Variants in MLPH observed in about 807,000 individuals in gnomAD.
MLPH encodes melanophilin, also known as exophilin-3.
Under a neutral mutation model 72.1 loss-of-function variants are expected in MLPH, and 51 were observed. That is an observed-to-expected ratio of 0.71 (90% confidence interval 0.56 to 0.89). The LOEUF (loss-of-function observed/expected upper bound fraction) is 0.89, where lower values mean the gene tolerates loss of function less well. Ranked by LOEUF, MLPH falls within the 40% of genes least tolerant of loss-of-function variation. MLPH has a pLI of 0.00. For missense variants in MLPH, 743 were observed against 759.9 expected, an observed-to-expected ratio of 0.98 and a Z score of 0.26; for synonymous variants, 301 against 310.1, an observed-to-expected ratio of 0.97 and a Z score of 0.31.
At chr2:237,551,605 A>G (rs1033068105) in intron 14 of MLPH, among the ~76,000 whole-genome samples, 4 of 152,194 alleles carry the variant, frequency 2.6e-5, no homozygotes, top group Non-Finnish European at 5.9e-5. Context: ...CCCCAGCTAC[A>G]CAGCCATGGC....
At chr2:237,504,016 G>A (rs893515884) in intron 2 of MLPH, among the ~76,000 whole-genome samples, 7 of 152,116 alleles carry the variant, frequency 4.6e-5, no homozygotes, top group African/African-American at 1.7e-4. Flanking sequence ...TTTTGAAGAT[G>A]GAGAAAGGGG....
chr2:237,542,941 G>A (rs1408990497), intron 12 of MLPH, among the ~76,000 whole-genome samples: 1 of 49,942 alleles, frequency 2.0e-5, no homozygotes, highest in Non-Finnish European at 3.6e-5. Flanking sequence ...GGTGAGTGGG[G>A]GGACAGTGGT....
chr2:237,498,738 TGGGCTGTTTGCTATATAGAGTGGGA>T (rs1403184168), intron 2 of MLPH, among the ~76,000 whole-genome samples: 1 of 152,222 alleles, frequency 6.6e-6, no homozygotes, highest in African/African-American at 2.4e-5. Context: ...GATTTGGGAA[TGGGCTGTTTGCTATATAGAGTGGGA>T]GGGCTGTTCC....
Position 237,540,395 on chromosome 2 carries a change from C to T in MLPH, c.1152C>T (p.Ala384=). 1 of 1,613,566 alleles carries T rather than the reference C, an allele frequency of 6.2e-7. No individual in the cohort carries two copies. Among genetic ancestry groups the T allele is most frequent in the Non-Finnish European group, 8.5e-7 (1 of 1,179,908 alleles). Residue 384 remains alanine, a synonymous_variant, in exon 10 of 16, where the codon GCC becomes GCT. Coordinates refer to ENST00000264605, the MANE Select transcript of MLPH (RefSeq NM_024101.7). The part of the protein sequence containing the change: ...VRTEADVEEE[A]LRRKLEELTS... ...CGGAGGCCGATGTAGAGGAGGAGGCCCTGAGGAGGAAGCTGGAGGAGCTGA... is the reference window on the plus strand; with the variant it reads ...CGGAGGCCGATGTAGAGGAGGAGGCTCTGAGGAGGAAGCTGGAGGAGCTGA...
At chr2:237,513,194 A>C (rs7582753) in intron 4 of MLPH, among the ~76,000 whole-genome samples, 6,173 of 152,028 alleles carry the variant, frequency 0.041, 427 homozygotes, top group African/African-American at 0.14. Flanking sequence ...TTGTCCAGCT[A>C]GTAAGTGGGC....
At chr2:237,550,214 C>T (rs2081004308) in intron 14 of MLPH, among the ~76,000 whole-genome samples, 1 of 152,178 alleles carries the variant, frequency 6.6e-6, no homozygotes, top group African/African-American at 2.4e-5. Flanking sequence ...GAAGCCTCTC[C>T]CCCGGGGCTC....
intron 14 of MLPH, among the ~76,000 whole-genome samples, chr2:237,550,318 G>A (rs1337963423): frequency 2.0e-5 from 3 of 152,156 alleles, no homozygotes; most frequent in African/African-American, 4.8e-5. Flanking sequence ...ATGCCAGCTC[G>A]CTCTTTGCAT....
At chr2:237,500,026 G>A (rs1246477915) in intron 2 of MLPH, among the ~76,000 whole-genome samples, 1 of 151,990 alleles carries the variant, frequency 6.6e-6, no homozygotes, top group African/African-American at 2.4e-5. Flanking sequence ...GATTACAGAT[G>A]TGAGCCACTA....
chr2:237,538,281 AG>A lies in MLPH; in HGVS notation c.1105-2064del, dbSNP rs140965911. 1.8e-3 allele frequency among the ~76,000 whole-genome samples: 281 copies of A among 152,342 alleles called. 3 individuals are homozygous for A. The highest frequency in any genetic ancestry group is 6.7e-3 in the African/African-American group (279 of 41,582). On this transcript the variant is annotated intron_variant, in intron 9 of 15. Transcript: ENST00000264605. ...GGGAACTCAGCATAGACAGGGTCACAGGGAAAAGGCCAATGATGTGTTACTG... is the reference window on the plus strand; with the variant it reads ...GGGAACTCAGCATAGACAGGGTCACAGGAAAAGGCCAATGATGTGTTACTG...
chr2:237,496,675 A>G (rs1574833124), intron 2 of MLPH, among the ~76,000 whole-genome samples: 1 of 152,180 alleles, frequency 6.6e-6, no homozygotes, highest in Admixed American at 6.5e-5. Flanking sequence ...AGAATGAGCC[A>G]GTGGCTGGGG....
chr2:237,486,543 G>C (rs1448326904), upstream of MLPH: 1 of 152,248 alleles, frequency 6.6e-6, no homozygotes, highest in Non-Finnish European at 1.5e-5. Flanking sequence ...CAGCGGCGCG[G>C]AGCTCCCAGG....
At position 237,527,460 on chromosome 2, in the gene MLPH, C is replaced by T. The variant is rs761481273; in HGVS notation, c.964C>T (p.His322Tyr). ...DTSDEESIRA[H>Y]VMASHHSKRR... ...CTCTGATGAGGAAAGCATCCGGGCT[C>T]ACGTGATGGCCTCCCACCATTCCAA... The change falls in exon 8 of 16, where the codon CAC (histidine) becomes TAC (tyrosine). Residue 322 changes from histidine (H) to tyrosine (Y), a missense_variant. His to Tyr is a moderately conservative substitution (Grantham distance 83). Transcript: ENST00000264605. 2 of 1,614,178 alleles carry T rather than the reference C, an allele frequency of 1.2e-6. No homozygotes were observed. The highest frequency in any genetic ancestry group is 1.7e-6 in the Non-Finnish European group (2 of 1,180,024).
At chr2:237,504,390 G>A (rs1477009843) in intron 2 of MLPH, among the ~76,000 whole-genome samples, 1 of 151,930 alleles carries the variant, frequency 6.6e-6, no homozygotes, top group Non-Finnish European at 1.5e-5. Context: ...CTGATTTTTT[G>A]TATTTTTAGT....
intron 11 of MLPH, among the ~76,000 whole-genome samples, chr2:237,542,220 G>A (rs1287674056): frequency 6.6e-6 from 1 of 152,064 alleles, no homozygotes; most frequent in Non-Finnish European, 1.5e-5. Flanking sequence ...GGGAGTGGCC[G>A]ACTGCTAGGT....
chr2:237,535,721 C>T (rs144843721), intron 9 of MLPH, among the ~76,000 whole-genome samples: 2 of 152,318 alleles, frequency 1.3e-5, no homozygotes, highest in East Asian at 1.9e-4. Flanking sequence ...GGGGTCAGTG[C>T]TCCAAAGTGG....
chr2:237,540,679 C>T (rs1440719188), intron 10 of MLPH, 123 bp from the exon 11 acceptor site: 21 of 1,509,998 alleles, frequency 1.4e-5, no homozygotes, highest in South Asian at 9.6e-5. Flanking sequence ...AGCGGGTGGC[C>T]GGCTCCTGAC....
intron 2 of MLPH, among the ~76,000 whole-genome samples, chr2:237,499,858 C>T (rs955066505): frequency 6.6e-6 from 1 of 152,106 alleles, no homozygotes; most frequent in East Asian, 1.9e-4. Flanking sequence ...AACCCTCCCA[C>T]CTCAGTCTCC....
Position 237,553,679 on chromosome 2 carries a change from C to T in MLPH, c.*87C>T, listed in dbSNP as rs776117180. 7 of 1,564,856 alleles carry T rather than the reference C, an allele frequency of 4.5e-6. No individual in the cohort carries two copies. In the East Asian group the frequency reaches 1.6e-4, roughly 35 times the overall value. On this transcript the variant is annotated 3_prime_UTR_variant, in exon 16 of 16. Coordinates refer to ENST00000264605, the MANE Select transcript of MLPH (RefSeq NM_024101.7). ...TCCCTCATTGGCTCTGTGCTTTCCACTATACACAGTCACCGTCCCAATGAG... is the reference window on the plus strand; with the variant it reads ...TCCCTCATTGGCTCTGTGCTTTCCATTATACACAGTCACCGTCCCAATGAG...
chr2:237,530,138 G>A (rs2080389397), intron 8 of MLPH, among the ~76,000 whole-genome samples: 1 of 152,346 alleles, frequency 6.6e-6, no homozygotes, highest in South Asian at 2.1e-4. Flanking sequence ...TTCAGCCACA[G>A]GGCTGCAGAT....
Sources: gnomAD v4.1 joint callset for allele counts (sites outside exome capture counted in the v4.1 genomes callset) on GRCh38, gnomAD v4.1.1 for gene constraint, MANE v1.5 for transcripts, NCBI Gene and HGNC (gene_info 2026-07-23, HGNC 2026-07-21) for gene names.